The following RALYL variants were observed in gnomAD, a reference collection of about 807,000 sequenced individuals.
RALYL encodes RALY RNA binding protein like, also known as RNA-binding Raly-like protein.
Under a neutral mutation model 35.1 loss-of-function variants are expected in RALYL, and 29 were observed. That is an observed-to-expected ratio of 0.83 (90% CI 0.61 to 1.13). The LOEUF is 1.13. Ranked by LOEUF, RALYL falls within the 50% of genes most tolerant of loss-of-function variation. The pLI is 0.00. For synonymous variants in RALYL, 120 were observed against 127.6 expected (o/e 0.94, Z 0.40); for missense variants, 359 against 360.4 (o/e 1.00, Z 0.03).
At chr8:84,811,159 T>A (rs1825823686) in intron 4 of RALYL, among the ~76,000 whole-genome samples, 2 of 152,128 alleles carry the variant, frequency 1.3e-5, no homozygotes, top group Admixed American at 1.3e-4. Flanking sequence ...TTTCCAGGAT[T>A]TGTTTCAAGA....
chr8:84,433,448 G>T (rs1256865815), intron 1 of RALYL, among the ~76,000 whole-genome samples: 1 of 152,056 alleles, frequency 6.6e-6, no homozygotes, highest in Non-Finnish European at 1.5e-5. Context: ...TGTTTGATAT[G>T]GTTTGGCTGT....
At position 84,311,090 on chromosome 8, in the gene RALYL, A is replaced by AAATAT. The variant is rs1554614840; in HGVS notation, c.-24+126667_-24+126668insATATA. 5.8e-4 allele frequency among the ~76,000 whole-genome samples: 58 copies of AAATAT among 99,764 alleles called. 4 individuals are homozygous for AAATAT. The highest frequency in any genetic ancestry group is 1.1e-3 in the East Asian group (3 of 2,856). 65.4% of individuals were successfully genotyped at this position (99,764 alleles called of 152,430 possible). A position where few individuals can be genotyped will look rare whatever the true frequency, so the allele number is the denominator to read the frequency against. On this transcript the variant is annotated intron_variant, in intron 1 of 8. Coordinates refer to ENST00000521268, the MANE Select transcript of RALYL (RefSeq NM_173848.7). ...AAAAAAAAAAAAAAAAAAAAAAAAA[A>AAATAT]ATGTATATTAATGTATAGTATAAAT...
intron 5 of RALYL, among the ~76,000 whole-genome samples, chr8:84,853,593 T>C (rs190177366): frequency 3.9e-5 from 6 of 152,350 alleles, no homozygotes; most frequent in Admixed American, 3.9e-4. Flanking sequence ...AATAGATCAG[T>C]ATGGTTGTAT....
At chr8:84,433,538 G>C (rs1170034182) in intron 1 of RALYL, among the ~76,000 whole-genome samples, 1 of 152,016 alleles carries the variant, frequency 6.6e-6, no homozygotes, top group African/African-American at 2.4e-5. Flanking sequence ...GGAGGTGATT[G>C]AATCATGGGG....
chr8:84,853,833 G>GT lies in RALYL; in HGVS notation c.413+3810dup, dbSNP rs201533589. Among the ~76,000 whole-genome samples the GT allele has an allele frequency of 2.0e-3, 309 of 150,750 alleles. 2 individuals carry two copies. Among genetic ancestry groups the GT allele is most frequent in the Middle Eastern group, 6.8e-3 (2 of 292 alleles). ...TAAGTTACGGTCTTCTTGCATTTGTGTTTTCTTTTTCTCTCTCTCTTTTAG... is the reference window on the plus strand; with the variant it reads ...TAAGTTACGGTCTTCTTGCATTTGTGTTTTTCTTTTTCTCTCTCTCTTTTAG... On this transcript the variant is annotated intron_variant, in intron 5 of 8. Transcript: ENST00000521268.
At chr8:84,404,030 C>G (rs936333911) in intron 1 of RALYL, among the ~76,000 whole-genome samples, 3 of 152,022 alleles carry the variant, frequency 2.0e-5, no homozygotes, top group Admixed American at 6.6e-5. Context: ...GATTTTGTAT[C>G]CTGAGACTTT....
chr8:84,230,713 T>G (rs1195654171), intron 1 of RALYL, among the ~76,000 whole-genome samples: 1 of 152,204 alleles, frequency 6.6e-6, no homozygotes, highest in African/African-American at 2.4e-5. Flanking sequence ...GAGCACATTT[T>G]TATGCCAAGC....
chr8:84,608,491 G>A (rs1374781002), intron 2 of RALYL, among the ~76,000 whole-genome samples: 2 of 152,092 alleles, frequency 1.3e-5, no homozygotes, highest in East Asian at 3.9e-4. Flanking sequence ...GTTGTTCCTT[G>A]AGCCTGGACT....
chr8:84,881,869 G>C lies in RALYL; in HGVS notation c.686-5735G>C, dbSNP rs370377375. ...AGTATTCCCTTGGTATGTCAAATTA[G>C]GCCTTCTTTTTTTAGAGATATATTA... On this transcript the variant is annotated intron_variant, in intron 7 of 8. Coordinates refer to ENST00000521268, the MANE Select transcript of RALYL (RefSeq NM_173848.7). 9.0e-4 allele frequency among the ~76,000 whole-genome samples: 137 copies of C among 151,866 alleles called. 3 individuals carry two copies. The highest frequency in any genetic ancestry group is 3.1e-3 in the African/African-American group (129 of 41,500).
intron 2 of RALYL, among the ~76,000 whole-genome samples, chr8:84,556,449 A>G (rs2061125855): frequency 6.6e-6 from 1 of 152,196 alleles, no homozygotes; most frequent in South Asian, 2.1e-4. Flanking sequence ...TATTAAGGCT[A>G]TTTGACTCCA....
chr8:84,389,325 G>A (rs1860039471), intron 1 of RALYL, among the ~76,000 whole-genome samples: 1 of 152,052 alleles, frequency 6.6e-6, no homozygotes, highest in African/African-American at 2.4e-5. Flanking sequence ...TGGCAATGCG[G>A]GCTCTTTTTT....
intron 1 of RALYL, among the ~76,000 whole-genome samples, chr8:84,409,749 A>G (rs17842480): frequency 0.035 from 5,331 of 152,116 alleles, 134 homozygotes; most frequent in East Asian, 0.13. Context: ...AAAGACCATA[A>G]TTAAATCTTA....
intron 4 of RALYL, among the ~76,000 whole-genome samples, chr8:84,840,871 T>A (rs985215419): frequency 1.3e-5 from 2 of 152,054 alleles, no homozygotes; most frequent in African/African-American, 4.8e-5. Flanking sequence ...CAAACTAAGC[T>A]TCATAAGTGA....
chr8:84,791,138 T>C (rs2133852408), intron 3 of RALYL, among the ~76,000 whole-genome samples: 1 of 152,302 alleles, frequency 6.6e-6, no homozygotes, highest in Non-Finnish European at 1.5e-5. Context: ...TAGAAGATTT[T>C]GGAAGTAGGA....
At chr8:84,431,320 A>C (rs1468949112) in intron 1 of RALYL, among the ~76,000 whole-genome samples, 1 of 152,084 alleles carries the variant, frequency 6.6e-6, no homozygotes, top group Non-Finnish European at 1.5e-5. Flanking sequence ...CCAATATACT[A>C]TACTATCCTG....
At chr8:84,717,611 A>T (rs2132575263) in intron 2 of RALYL, among the ~76,000 whole-genome samples, 1 of 152,322 alleles carries the variant, frequency 6.6e-6, no homozygotes, top group African/African-American at 2.4e-5. Flanking sequence ...GTCTGTTTTA[A>T]TATTCATTTT....
chr8:84,830,019 G>C (rs945122461), intron 4 of RALYL, among the ~76,000 whole-genome samples: 29 of 30,966 alleles, frequency 9.4e-4, no homozygotes, highest in Non-Finnish European at 2.2e-3. Context: ...ACTATACTGG[G>C]GGGGGGGGGG....
chr8:84,733,841 A>G (rs987774102), intron 2 of RALYL, among the ~76,000 whole-genome samples: 2 of 152,208 alleles, frequency 1.3e-5, no homozygotes, highest in African/African-American at 4.8e-5. Context: ...ACCCATCACT[A>G]TCAGCCAAGT....
At chr8:84,574,442 T>C (rs181788335) in intron 2 of RALYL, among the ~76,000 whole-genome samples, 59 of 152,156 alleles carry the variant, frequency 3.9e-4, no homozygotes, top group African/African-American at 1.3e-3. Context: ...TTTTCCACAG[T>C]GCTCCCTTTT....
Sources: allele counts gnomAD v4.1 joint callset (sites outside exome capture counted in the v4.1 genomes callset), GRCh38; gene constraint gnomAD v4.1.1; transcripts MANE v1.5; gene names NCBI Gene and HGNC (gene_info 2026-07-23, HGNC 2026-07-21).